Variants in EIF2S1 observed in about 807,000 individuals in gnomAD.
The protein encoded by EIF2S1 is eukaryotic translation initiation factor 2 subunit 1.
In EIF2S1, 5 loss-of-function variants were observed where a neutral mutation model predicts 33.5. The observed-to-expected ratio is 0.15, with a 90% CI of 0.08 to 0.31. The LOEUF (loss-of-function observed/expected upper bound fraction) is 0.31, where lower values mean the gene tolerates loss of function less well. Among genes scored for constraint, EIF2S1 ranks in the 10% least tolerant of loss-of-function variants. The pLI is 1.00. For missense variants in EIF2S1, 191 were observed against 384.6 expected, an observed-to-expected ratio of 0.50 and a Z score of 4.21; for synonymous variants, 99 against 127.5, an observed-to-expected ratio of 0.78 and a Z score of 1.51.
chr14:67,378,309 T>C (rs886188531), intron 4 of EIF2S1, among the ~76,000 whole-genome samples: 3 of 147,944 alleles, frequency 2.0e-5, no homozygotes, highest in Middle Eastern at 3.5e-3. Flanking sequence ...TTTATTCTCA[T>C]GTGACTTTTT....
intron 4 of EIF2S1, 121 bp downstream of exon 4, chr14:67,376,711 G>A: frequency 9.6e-7 from 1 of 1,044,768 alleles, no homozygotes; most frequent in South Asian, 1.6e-5. Flanking sequence ...TTTTGTATTG[G>A]CCAGTAAATG....
intron 2 of EIF2S1, among the ~76,000 whole-genome samples, chr14:67,371,903 A>G (rs999093637): frequency 9.9e-5 from 15 of 152,238 alleles, no homozygotes; most frequent in African/African-American, 3.4e-4. Context: ...AAATCCAACA[A>G]TGTATAAAAA....
rs2085858257 is a variant in EIF2S1 at position 67,376,445 on chromosome 14, A to G, written c.328A>G (p.Ser110Gly). 1.2e-6 allele frequency: 2 copies of G among 1,604,466 alleles called. No homozygotes were observed. Among genetic ancestry groups the G allele is most frequent in the Non-Finnish European group, 1.7e-6 (2 of 1,174,954 alleles). Residue 110 changes from serine to glycine, a missense_variant, in exon 4 of 8, where the codon AGC becomes GGC. Coordinates refer to ENST00000256383, the MANE Select transcript of EIF2S1 (RefSeq NM_004094.5). ...DKFTKSKTVYSILRHVAEVLE... is the reference protein window; with the variant it reads ...DKFTKSKTVYGILRHVAEVLE... Reference sequence around the variant, plus strand: ...CTTTTCATTTTATTTCTAGGTTTATAGCATTCTTCGTCATGTTGCTGAGGT... The same window carrying G: ...CTTTTCATTTTATTTCTAGGTTTATGGCATTCTTCGTCATGTTGCTGAGGT...
intron 7 of EIF2S1, 48 bp downstream of exon 7, chr14:67,382,638 AAGG>A: frequency 6.2e-7 from 1 of 1,606,452 alleles, no homozygotes; most frequent in South Asian, 1.1e-5. Flanking sequence ...AGGTTCCTAA[AAGG>A]AGTTCTTGTA....
At chr14:67,381,796 G>A in intron 6 of EIF2S1, 106 bp downstream of exon 6, 1 of 807,372 alleles carries the variant, frequency 1.2e-6, no homozygotes, top group South Asian at 1.9e-5. Context: ...CATAACAAAA[G>A]TGGGTTTTTT....
chr14:67,383,794 A>G lies in EIF2S1; in HGVS notation c.*354A>G, dbSNP rs2085903091. ...AGATTTGCCAGGGGCATCCAAGGCA[A>G]ACAATCCCAATCTTTCTATATAAAA... On this transcript the variant is annotated 3_prime_UTR_variant, in exon 8 of 8. Coordinates refer to ENST00000256383, the MANE Select transcript of EIF2S1 (RefSeq NM_004094.5). The G allele has an allele frequency of 6.8e-6, 2 of 295,276 alleles. No homozygotes were observed. The highest frequency in any genetic ancestry group is 9.3e-5 in the Admixed American group (2 of 21,434). The allele number at this position is 295,276 out of a possible 1,614,324, so 18.3% of individuals were successfully genotyped here. A position where few individuals can be genotyped will look rare whatever the true frequency, so the allele number is the denominator to read the frequency against.
At chr14:67,382,904 C>T (rs950457301) in intron 7 of EIF2S1, among the ~76,000 whole-genome samples, 38 of 140,450 alleles carry the variant, frequency 2.7e-4, no homozygotes, top group African/African-American at 1.1e-3. Context: ...TACGTGCGTG[C>T]GTGCGTGTGT....
chr14:67,361,421 ACTTT>A, intron 1 of EIF2S1, among the ~76,000 whole-genome samples: 1 of 152,324 alleles, frequency 6.6e-6, no homozygotes, highest in Middle Eastern at 3.4e-3. Flanking sequence ...TTCGGTGATA[ACTTT>A]CTTTTTCAAC....
chr14:67,364,670 C>A (rs975786271), intron 1 of EIF2S1, 97 bp from the exon 2 acceptor site: 32 of 1,257,652 alleles, frequency 2.5e-5, no homozygotes, highest in Non-Finnish European at 3.1e-5. Flanking sequence ...CTATTTTTTT[C>A]TTCATCTTTT....
In EIF2S1 at chr14:67,374,754, C is replaced by T. The variant is rs142925726; in HGVS notation, c.321+207C>T. 7.5e-4 allele frequency: 287 copies of T among 384,916 alleles called. 2 individuals are homozygous for T. Among genetic ancestry groups the T allele is most frequent in the African/African-American group, 5.7e-3 (277 of 48,558 alleles). 23.8% of individuals were successfully genotyped at this position (384,916 alleles called of 1,614,324 possible). On this transcript the variant is annotated intron_variant, in intron 3 of 7. Transcript: ENST00000256383. ...TAACTTGTTTACAGTTGGAATGCCT[C>T]ATAAAATACGGGGTTTTTTTGTTTG...
intron 2 of EIF2S1, among the ~76,000 whole-genome samples, chr14:67,372,613 G>A (rs1252189922): frequency 6.6e-6 from 1 of 152,186 alleles, no homozygotes; most frequent in Non-Finnish European, 1.5e-5. Flanking sequence ...GGCAGATCAT[G>A]AGGTCAGGAG....
intron 1 of EIF2S1, chr14:67,364,472 C>A: frequency 3.8e-6 from 1 of 266,504 alleles, no homozygotes. Context: ...TCCTTTAATC[C>A]TTAGGTCTTG....
chr14:67,360,971 T>G (rs2085733784), intron 1 of EIF2S1, among the ~76,000 whole-genome samples: 1 of 152,102 alleles, frequency 6.6e-6, no homozygotes, highest in African/African-American at 2.4e-5. Context: ...GTCCGAGTAG[T>G]TTTTCATCTG....
chr14:67,367,673 C>T (rs1458363819), intron 2 of EIF2S1, among the ~76,000 whole-genome samples: 1 of 151,548 alleles, frequency 6.6e-6, no homozygotes, highest in East Asian at 2.0e-4. Context: ...CTCATCTCTA[C>T]AAAAAATACA....
In EIF2S1 at chr14:67,385,479, CAA is replaced by C. The variant is rs1207113709; in HGVS notation, c.*2041_*2042del. 2 of 150,966 alleles carry C rather than the reference CAA, an allele frequency of 1.3e-5. No individual in the cohort carries two copies. Among genetic ancestry groups the C allele is most frequent in the African/African-American group, 4.9e-5 (2 of 41,094 alleles). The allele number at this position is 150,966 out of a possible 1,614,324, so 9.4% of individuals were successfully genotyped here. A position where few individuals can be genotyped will look rare whatever the true frequency, so the allele number is the denominator to read the frequency against. On this transcript the variant is annotated 3_prime_UTR_variant, in exon 8 of 8. Transcript: ENST00000256383. ...AAACCAAAAATCTTGAATCTCCCATCAAAGCCTTTTCATTAAAAATACAATTT... is the reference window on the plus strand; with the variant it reads ...AAACCAAAAATCTTGAATCTCCCATCAGCCTTTTCATTAAAAATACAATTT...
chr14:67,382,345 G>T (rs577545892), intron 6 of EIF2S1, 102 bp from the exon 7 acceptor site: 1 of 1,079,624 alleles, frequency 9.3e-7, no homozygotes, highest in South Asian at 1.6e-5. Flanking sequence ...TTACGTTTTG[G>T]GGTGATTTGT....
chr14:67,374,006 T>C (rs577697003), intron 2 of EIF2S1, among the ~76,000 whole-genome samples: 1 of 152,228 alleles, frequency 6.6e-6, no homozygotes, highest in South Asian at 2.1e-4. Context: ...AATTGAAAAT[T>C]ATTAGTTCTC....
chr14:67,376,754 T>C (rs1297705661), intron 4 of EIF2S1, among the ~76,000 whole-genome samples, 164 bp downstream of exon 4: 2 of 152,244 alleles, frequency 1.3e-5, no homozygotes, highest in Non-Finnish European at 2.9e-5. Context: ...CTGTGTAGTT[T>C]TATGTATCAT....
At chr14:67,362,574 G>A (rs1478689883) in intron 1 of EIF2S1, among the ~76,000 whole-genome samples, 1 of 152,112 alleles carries the variant, frequency 6.6e-6, no homozygotes, top group Non-Finnish European at 1.5e-5. Context: ...GCCACTTCTA[G>A]TAAGTAGCAG....
Sources: allele counts gnomAD v4.1 joint callset (sites outside exome capture counted in the v4.1 genomes callset), GRCh38; gene constraint gnomAD v4.1.1; transcripts MANE v1.5; gene names NCBI Gene and HGNC (gene_info 2026-07-23, HGNC 2026-07-21).